Variants in HDAC4 observed in about 807,000 individuals in gnomAD.
HDAC4 encodes histone deacetylase 4, also known as histone deacetylase A.
Under a neutral mutation model 135.1 loss-of-function variants are expected in HDAC4, and 16 were observed. That is an observed-to-expected ratio of 0.12 (90% CI 0.08 to 0.18). The LOEUF is 0.18. Among genes scored for constraint, HDAC4 ranks in the 10% least tolerant of loss-of-function variants. HDAC4 has a pLI of 1.00. For synonymous variants in HDAC4, 685 were observed against 653.4 expected (o/e 1.05, Z -0.74); for missense variants, 1,143 against 1,511.8 (o/e 0.76, Z 4.05).
intron 2 of HDAC4, among the ~76,000 whole-genome samples, chr2:239,324,084 T>A (rs1408759989): frequency 6.6e-6 from 1 of 152,074 alleles, no homozygotes; most frequent in African/African-American, 2.4e-5. Flanking sequence ...TTAGCACAAT[T>A]GAAGGTGTGA....
chr2:239,385,781 C>T (rs1695756815), intron 1 of HDAC4, among the ~76,000 whole-genome samples: 1 of 152,176 alleles, frequency 6.6e-6, no homozygotes, highest in Non-Finnish European at 1.5e-5. Context: ...CCAGGCAAGC[C>T]ACGGTGAGTG....
chr2:239,054,903 A>G, intron 24 of HDAC4, 70 bp from the exon 25 acceptor site: 1 of 1,013,274 alleles, frequency 9.9e-7, no homozygotes, highest in Non-Finnish European at 1.6e-6. Flanking sequence ...GGGTGTTCCG[A>G]GACTGCAACT....
At chr2:239,208,049 G>T (rs1421641962) in intron 3 of HDAC4, among the ~76,000 whole-genome samples, 2 of 151,986 alleles carry the variant, frequency 1.3e-5, no homozygotes, top group African/African-American at 4.8e-5. Flanking sequence ...AAGGCCGGGC[G>T]CGGTGGCTCA....
At chr2:239,359,322 C>T (rs1693713502) in intron 1 of HDAC4, among the ~76,000 whole-genome samples, 1 of 152,234 alleles carries the variant, frequency 6.6e-6, no homozygotes, top group Non-Finnish European at 1.5e-5. Context: ...TGCATATACC[C>T]ATGTAACTCT....
intron 2 of HDAC4, among the ~76,000 whole-genome samples, chr2:239,238,286 G>T (rs973616190): frequency 6.6e-6 from 1 of 151,996 alleles, no homozygotes; most frequent in African/African-American, 2.4e-5. Context: ...TAAAAAATTC[G>T]AAAAGGTGCC....
chr2:239,208,635 A>G (rs542192154), intron 3 of HDAC4, among the ~76,000 whole-genome samples: 46 of 152,298 alleles, frequency 3.0e-4, no homozygotes, highest in African/African-American at 1.1e-3. Context: ...CTCCAAGGCT[A>G]CAGATACTGA....
intron 16 of HDAC4, among the ~76,000 whole-genome samples, chr2:239,102,213 G>A (rs1437723004): frequency 6.6e-6 from 1 of 152,236 alleles, no homozygotes; most frequent in Non-Finnish European, 1.5e-5. Flanking sequence ...GCCCCATGGA[G>A]CTGGCTGGGA....
rs565281587 is a variant in HDAC4, at chr2:239,126,464, T to G, written c.1525A>C (p.Met509Leu). ...TGAGCCGGCAAACCCACCTTGTTCA[T>G]CTGCAGTTGCTGCTGCTGGAACTGC... ...KQQFQQQQLQ[M>L]NKIIPKPSEP... Residue 509 changes from methionine (M) to leucine (L), a missense_variant, in exon 12 of 27, where the codon ATG (methionine) becomes CTG (leucine). Met to Leu is a conservative substitution (Grantham distance 15). Transcript: ENST00000543185. The G allele has an allele frequency of 3.1e-6, 5 of 1,613,872 alleles. No homozygotes were observed. In the South Asian group the frequency reaches 5.5e-5, roughly 18 times the overall value.
chr2:239,085,343 T>G (rs1309856149), intron 19 of HDAC4, among the ~76,000 whole-genome samples: 1 of 152,190 alleles, frequency 6.6e-6, no homozygotes, highest in African/African-American at 2.4e-5. Context: ...CTTCTTGATC[T>G]CAAATTCCCT....
chr2:239,142,547 T>G (rs1292018686), intron 8 of HDAC4, among the ~76,000 whole-genome samples: 2 of 152,176 alleles, frequency 1.3e-5, no homozygotes, highest in Non-Finnish European at 2.9e-5. Flanking sequence ...CTTGTGCTGA[T>G]CTCCCAACTC....
chr2:239,257,972 A>G (rs2049140641), intron 2 of HDAC4, among the ~76,000 whole-genome samples: 1 of 152,234 alleles, frequency 6.6e-6, no homozygotes, highest in Non-Finnish European at 1.5e-5. Flanking sequence ...AATAGTTTCA[A>G]AGTAGGAATA....
chr2:239,261,794 C>T (rs1334001666), intron 2 of HDAC4, among the ~76,000 whole-genome samples: 1 of 152,224 alleles, frequency 6.6e-6, no homozygotes, highest in Non-Finnish European at 1.5e-5. Flanking sequence ...CCAACTCAAA[C>T]CACCCCAGAA....
At chr2:239,346,505 GAC>G (rs567847869) in intron 2 of HDAC4, among the ~76,000 whole-genome samples, 102 of 139,410 alleles carry the variant, frequency 7.3e-4, no homozygotes, top group African/African-American at 2.7e-3. Context: ...CACAGTCTAA[GAC>G]ACACACACCC....
At chr2:239,105,938 C>T (rs1024955635) in intron 15 of HDAC4, among the ~76,000 whole-genome samples, 3 of 152,198 alleles carry the variant, frequency 2.0e-5, no homozygotes, top group Non-Finnish European at 4.4e-5. Context: ...TGGAGGGGCA[C>T]CCGCACTGGA....
intron 4 of HDAC4, among the ~76,000 whole-genome samples, chr2:239,188,363 G>A (rs752309787): frequency 6.6e-6 from 1 of 152,236 alleles, no homozygotes; most frequent in South Asian, 2.1e-4. Context: ...TATAAAGGAA[G>A]GGAAACTGGG....
intron 15 of HDAC4, among the ~76,000 whole-genome samples, chr2:239,105,706 G>A (rs554367294): frequency 5.3e-5 from 8 of 152,278 alleles, no homozygotes; most frequent in South Asian, 4.2e-4. Context: ...CCTGGGCTTC[G>A]GTCTTGCTGT....
intron 1 of HDAC4, among the ~76,000 whole-genome samples, chr2:239,396,641 G>A (rs1282822202): frequency 6.6e-6 from 1 of 152,142 alleles, no homozygotes; most frequent in Non-Finnish European, 1.5e-5. Flanking sequence ...TGACTGTTAA[G>A]CTTACACAGG....
Position 239,115,349 on chromosome 2 carries a change from G to A in HDAC4, c.1534-39C>T. ...GTAACACATGAAGCACAGAGAGCTG[G>A]GTCCTCTGAGCTCATCTGACAGGAG... On this transcript the variant is annotated intron_variant, in intron 12 of 26. Transcript: ENST00000543185. This position sits in a 1 kb window ranked among gnomAD's most constrained non-coding sequence, Gnocchi z 6.3. 1 of 1,611,556 alleles carries A rather than the reference G, an allele frequency of 6.2e-7. No homozygotes were observed. Among genetic ancestry groups the A allele is most frequent in the Non-Finnish European group, 8.5e-7 (1 of 1,179,182 alleles).
chr2:239,105,807 C>T (rs1264465986), intron 15 of HDAC4, among the ~76,000 whole-genome samples: 5 of 152,222 alleles, frequency 3.3e-5, no homozygotes, highest in Non-Finnish European at 7.4e-5. Flanking sequence ...TGCCCCGTAC[C>T]CATGGCCCCT....
Sources: allele counts gnomAD v4.1 joint callset (sites outside exome capture counted in the v4.1 genomes callset), GRCh38; gene constraint gnomAD v4.1.1; non-coding constraint Gnocchi (gnomAD v3.1); transcripts MANE v1.5; gene names NCBI Gene and HGNC (gene_info 2026-07-23, HGNC 2026-07-21).